Variants in CELF1 observed in about 807,000 individuals in gnomAD.
The protein encoded by CELF1 is 50 kDa nuclear polyadenylated RNA-binding protein.
Under a neutral mutation model 61.8 loss-of-function variants are expected in CELF1, and 10 were observed. That is an observed-to-expected ratio of 0.16 (90% CI 0.10 to 0.27). The LOEUF is 0.27. Ranked by LOEUF, CELF1 falls within the 10% of genes least tolerant of loss-of-function variation. CELF1 has a pLI of 1.00. For synonymous variants in CELF1, 236 were observed against 225.1 expected (o/e 1.05, Z -0.43); for missense variants, 380 against 639.1 (o/e 0.59, Z 4.37).
chr11:47,563,902 G>A (rs1334742571), intron 2 of CELF1, among the ~76,000 whole-genome samples: 1 of 151,478 alleles, frequency 6.6e-6, no homozygotes, highest in Non-Finnish European at 1.5e-5. Context: ...CTACTCGGGA[G>A]GCTGAGGCAG....
At chr11:47,551,497 T>C (rs568358442) in intron 1 of CELF1, among the ~76,000 whole-genome samples, 38 of 152,344 alleles carry the variant, frequency 2.5e-4, no homozygotes, top group Middle Eastern at 6.8e-3. Context: ...CAACAGTTTG[T>C]GCATGCTATT....
At chr11:47,500,045 G>A (rs565167756) in intron 2 of CELF1, among the ~76,000 whole-genome samples, 4 of 152,272 alleles carry the variant, frequency 2.6e-5, no homozygotes, top group African/African-American at 9.6e-5. Flanking sequence ...ACAGCAATGA[G>A]CACAGTGCTT....
chr11:47,497,357 T>G (rs772812490), intron 3 of CELF1, among the ~76,000 whole-genome samples: 1 of 152,156 alleles, frequency 6.6e-6, no homozygotes, highest in African/African-American at 2.4e-5. Context: ...GTAGCACCAG[T>G]GGAAGCTTAA....
At chr11:47,549,148 T>C (rs895249069) in intron 1 of CELF1, among the ~76,000 whole-genome samples, 1 of 152,142 alleles carries the variant, frequency 6.6e-6, no homozygotes, top group Non-Finnish European at 1.5e-5. Context: ...AACCCTTGTG[T>C]ACTACTGGCA....
chr11:47,489,115 G>T, intron 3 of CELF1, 91 bp from the exon 4 acceptor site: 1 of 1,070,084 alleles, frequency 9.3e-7, no homozygotes, highest in Non-Finnish European at 1.3e-6. Flanking sequence ...CTAGTTCTGA[G>T]AACGTAAGGG....
chr11:47,479,919 A>G (rs1353927032), intron 9 of CELF1, among the ~76,000 whole-genome samples: 1 of 151,998 alleles, frequency 6.6e-6, no homozygotes, highest in Non-Finnish European at 1.5e-5. Flanking sequence ...AGAATGGGGG[A>G]AAAAATGCAC....
At chr11:47,544,559 A>G (rs1413346039) in intron 1 of CELF1, among the ~76,000 whole-genome samples, 1 of 152,222 alleles carries the variant, frequency 6.6e-6, no homozygotes, top group African/African-American at 2.4e-5. Flanking sequence ...AGGATTCCAC[A>G]ATCAAAAAAT....
intron 3 of CELF1, among the ~76,000 whole-genome samples, chr11:47,497,957 C>T (rs1029691862): frequency 4.6e-5 from 7 of 152,124 alleles, no homozygotes; most frequent in African/African-American, 1.7e-4. Context: ...TGAGCAACAG[C>T]CTTGTTTCTA....
intron 4 of CELF1, among the ~76,000 whole-genome samples, chr11:47,488,059 G>A (rs2088726071): frequency 6.6e-6 from 1 of 152,178 alleles, no homozygotes; most frequent in Admixed American, 6.5e-5. Context: ...GCCAAAAAGA[G>A]AAAGTAATTC....
Position 47,472,314 on chromosome 11 carries a change from G to A in CELF1, c.1461C>T (p.Ile487=), listed in dbSNP as rs535496185. Reference sequence around the variant, plus strand: ...CAATCTGAAAGCCGTTCATGGACTGGATGGCAGCTTGGGCCGAAACAGGAT... The same window carrying A: ...CAATCTGAAAGCCGTTCATGGACTGAATGGCAGCTTGGGCCGAAACAGGAT... ...YDNPVSAQAA[I]QSMNGFQIGM... is the part of the protein sequence containing the mutation. Residue 487 remains isoleucine (I), a synonymous_variant, in exon 15 of 15, where the codon ATC becomes ATT. Coordinates refer to ENST00000687097, the MANE Select transcript of CELF1 (RefSeq NM_001376376.1). 2 of 1,614,146 alleles carry A rather than the reference G, an allele frequency of 1.2e-6. No individual in the cohort carries two copies. The highest frequency in any genetic ancestry group is 1.3e-5 in the African/African-American group (1 of 75,032).
At chr11:47,556,226 C>A (rs2097205385), upstream of CELF1, among the ~76,000 whole-genome samples, 4 of 152,000 alleles carry the variant, frequency 2.6e-5, no homozygotes, top group Admixed American at 2.6e-4. Flanking sequence ...GCTCTGTCAC[C>A]CAGCCTGGAG....
chr11:47,555,612 G>C (rs1031943806), upstream of CELF1, among the ~76,000 whole-genome samples: 1 of 152,202 alleles, frequency 6.6e-6, no homozygotes, highest in South Asian at 2.1e-4. Flanking sequence ...ATGCTAAACA[G>C]TCCAAATACA....
At chr11:47,472,417 C>T (rs1191813098) in intron 14 of CELF1, 60 bp from the exon 15 acceptor site, 4 of 1,577,774 alleles carry the variant, frequency 2.5e-6, no homozygotes, top group African/African-American at 1.3e-5. Context: ...ATTCTCAGTC[C>T]TCCTTATGCA....
intron 1 of CELF1, among the ~76,000 whole-genome samples, chr11:47,542,988 T>C (rs1377227659): frequency 6.6e-6 from 1 of 151,844 alleles, no homozygotes; most frequent in African/African-American, 2.4e-5. Flanking sequence ...GGTGTAGCAG[T>C]GTGCACCTGT....
intron 2 of CELF1, among the ~76,000 whole-genome samples, chr11:47,558,512 A>C (rs1406771228): frequency 8.3e-6 from 1 of 121,180 alleles, no homozygotes; most frequent in Non-Finnish European, 1.7e-5. Flanking sequence ...TATTATATAA[A>C]TAATATATGT....
At chr11:47,541,136 C>T (rs1479216127) in intron 1 of CELF1, among the ~76,000 whole-genome samples, 1 of 152,084 alleles carries the variant, frequency 6.6e-6, no homozygotes. Context: ...CTGGAAAAAG[C>T]GTACAGCAAA....
At chr11:47,512,776 ATAAG>A (rs2095299262) in intron 1 of CELF1, among the ~76,000 whole-genome samples, 1 of 152,162 alleles carries the variant, frequency 6.6e-6, no homozygotes, top group Non-Finnish European at 1.5e-5. Flanking sequence ...GCCTAGCTCA[ATAAG>A]TAAGTTAGGC....
rs1038879607 is a variant in CELF1, at chr11:47,484,531, A to T, written c.392-8T>A. The T allele has an allele frequency of 6.3e-7, 1 of 1,599,666 alleles. No individual in the cohort carries two copies. The highest frequency in any genetic ancestry group is 2.2e-5 in the East Asian group (1 of 44,788). On this transcript the variant is annotated splice_region_variant and splice_polypyrimidine_tract_variant and intron_variant, in intron 6 of 14. Coordinates refer to ENST00000687097, the MANE Select transcript of CELF1 (RefSeq NM_001376376.1). ...GCTTCCTGTCTTCCACTGCTAAGAG[A>T]GTAAAACAGAAAAGACTTGAATATT... is the stretch of plus-strand genomic sequence containing the variant.
chr11:47,538,066 C>T (rs926685073), intron 1 of CELF1, among the ~76,000 whole-genome samples: 2 of 152,016 alleles, frequency 1.3e-5, no homozygotes, highest in Non-Finnish European at 2.9e-5. Context: ...CAGGTGTGCA[C>T]CACCATGCCT....
Sources: allele counts gnomAD v4.1 joint callset (sites outside exome capture counted in the v4.1 genomes callset), GRCh38; gene constraint gnomAD v4.1.1; transcripts MANE v1.5; gene names NCBI Gene and HGNC (gene_info 2026-07-23, HGNC 2026-07-21).